The following CDIN1 variants were observed in gnomAD, a reference collection of about 807,000 sequenced individuals.
The protein encoded by CDIN1 is CDAN1 interacting nuclease 1.
In CDIN1, 33 loss-of-function variants were observed where a neutral mutation model predicts 45.3. The ratio of observed to expected loss-of-function variants is 0.73; its 90% CI spans 0.55 to 0.97. The LOEUF (loss-of-function observed/expected upper bound fraction) is 0.97, where lower values mean the gene tolerates loss of function less well. CDIN1 is among the 50% of genes least tolerant of loss of function. The pLI, the probability that CDIN1 is intolerant of heterozygous loss-of-function variation, is 0.00. For missense variants in CDIN1, 303 were observed against 339.4 expected (o/e 0.89, Z 0.84); for synonymous variants, 118 against 124.4 (o/e 0.95, Z 0.34).
chr15:36,761,085 G>A (rs751732439), intron 10 of CDIN1, among the ~76,000 whole-genome samples: 14 of 151,978 alleles, frequency 9.2e-5, no homozygotes, highest in Non-Finnish European at 1.6e-4. Flanking sequence ...CGCCTTCACC[G>A]GCACATCTAA....
chr15:36,737,941 A>G (rs532602158), intron 10 of CDIN1, among the ~76,000 whole-genome samples: 20 of 152,262 alleles, frequency 1.3e-4, no homozygotes, highest in Non-Finnish European at 2.5e-4. Flanking sequence ...CCTGTCCACA[A>G]CATTTGACAA....
chr15:36,717,990 T>C (rs960876914), intron 10 of CDIN1, among the ~76,000 whole-genome samples: 1 of 151,264 alleles, frequency 6.6e-6, no homozygotes, highest in East Asian at 2.0e-4. Flanking sequence ...AAAGTTTCTC[T>C]TGAAATCTTT....
At chr15:36,654,192 C>T (rs1368588937) in intron 4 of CDIN1, 34 bp downstream of exon 4, 8 of 1,514,076 alleles carry the variant, frequency 5.3e-6, no homozygotes, top group South Asian at 2.4e-5. Flanking sequence ...TTTAAACCTG[C>T]GTGTAACCTA....
intron 10 of CDIN1, among the ~76,000 whole-genome samples, chr15:36,801,525 A>G (rs2055046424): frequency 1.3e-5 from 2 of 152,112 alleles, no homozygotes; most frequent in African/African-American, 4.8e-5. Flanking sequence ...GGGAAAACAA[A>G]TCTCTACCTC....
rs11307856 is a variant in CDIN1, at chr15:36,798,025, C to CAAAAAAA, written c.717-10283_717-10277dup. On this transcript the variant is annotated intron_variant, in intron 10 of 10. Coordinates refer to ENST00000566621, the MANE Select transcript of CDIN1 (RefSeq NM_001321759.2). ...TCATTATATAGTAGAGAGTTATTAGCAAAAAAAAAAAAAAAAAAAAAATTA... is the reference window on the plus strand; with the variant it reads ...TCATTATATAGTAGAGAGTTATTAGCAAAAAAAAAAAAAAAAAAAAAAAAAAAAATTA... 2.0e-3 allele frequency among the ~76,000 whole-genome samples: 189 copies of CAAAAAAA among 93,540 alleles called. 1 individual carries two copies. Among genetic ancestry groups the CAAAAAAA allele is most frequent in the African/African-American group, 7.8e-3 (181 of 23,336 alleles). The allele number at this position is 93,540 out of a possible 152,430, so 61.4% of individuals were successfully genotyped here.
chr15:36,718,126 A>C (rs751186075), intron 10 of CDIN1, among the ~76,000 whole-genome samples: 2 of 151,602 alleles, frequency 1.3e-5, no homozygotes, highest in Non-Finnish European at 2.9e-5. Context: ...TTTTGAGAAG[A>C]CTCTTTTTTC....
chr15:36,725,966 G>T (rs1169756967), intron 10 of CDIN1, among the ~76,000 whole-genome samples: 2 of 152,140 alleles, frequency 1.3e-5, no homozygotes, highest in East Asian at 3.9e-4. Flanking sequence ...CATTTAGATT[G>T]CACTTTGCAA....
At chr15:36,642,400 C>T (rs757871796) in intron 1 of CDIN1, among the ~76,000 whole-genome samples, 13 of 152,148 alleles carry the variant, frequency 8.5e-5, no homozygotes, top group Non-Finnish European at 1.6e-4. Context: ...ACTATGTATA[C>T]GTAAGTGGTT....
intron 10 of CDIN1, among the ~76,000 whole-genome samples, chr15:36,805,436 A>G (rs1361105647): frequency 6.6e-6 from 1 of 152,076 alleles, no homozygotes; most frequent in African/African-American, 2.4e-5. Flanking sequence ...TTTGATTTTT[A>G]TTGGTCACAA....
Position 36,727,371 on chromosome 15 carries a change from C to T in CDIN1, c.716+17410C>T, listed in dbSNP as rs117349825. Among the ~76,000 whole-genome samples the T allele has an allele frequency of 3.9e-3, 588 of 150,372 alleles. 10 individuals carry two copies. Among genetic ancestry groups the T allele is most frequent in the East Asian group, 0.032 (165 of 5,094 alleles). ...AAAAAAAAAGAAAAAAGTAGACACACTTTTTCCCCCTCAGCATTTATCATC... is the reference window on the plus strand; with the variant it reads ...AAAAAAAAAGAAAAAAGTAGACACATTTTTTCCCCCTCAGCATTTATCATC... On this transcript the variant is annotated intron_variant, in intron 10 of 10. Coordinates refer to ENST00000566621, the MANE Select transcript of CDIN1 (RefSeq NM_001321759.2).
intron 1 of CDIN1, among the ~76,000 whole-genome samples, chr15:36,608,152 A>C (rs1003308206): frequency 6.6e-6 from 1 of 152,298 alleles, no homozygotes; most frequent in East Asian, 1.9e-4. Flanking sequence ...ATTAATGTAT[A>C]AATTTTTGTG....
At position 36,579,899 on chromosome 15, in the gene CDIN1, G is replaced by A. The variant is rs2036960891; in HGVS notation, c.39G>A (p.Gln13=). 3 of 1,613,992 alleles carry A rather than the reference G, an allele frequency of 1.9e-6. No individual in the cohort carries two copies. In the East Asian group the frequency reaches 6.7e-5, roughly 36 times the overall value. The change falls in exon 1 of 11, where the codon CAG becomes CAA. Residue 13 remains glutamine (Q), a synonymous_variant. Coordinates refer to ENST00000566621, the MANE Select transcript of CDIN1 (RefSeq NM_001321759.2). The part of the protein sequence containing the change: ...LTKAQYDEIA[Q]CLVSVPPTRQ... The stretch of plus-strand genomic sequence containing the variant: ...AAGCTCAGTACGACGAGATAGCCCA[G>A]TGCCTAGTGTCTGTGCCGCCTACCA...
intron 1 of CDIN1, among the ~76,000 whole-genome samples, chr15:36,596,188 CA>C (rs1218104873): frequency 3.6e-4 from 7 of 19,368 alleles, no homozygotes; most frequent in Non-Finnish European, 6.5e-4. Flanking sequence ...AAAAAAAGCT[CA>C]TTTTTTTTTT....
chr15:36,652,317 A>G (rs929145553), intron 3 of CDIN1, among the ~76,000 whole-genome samples: 1 of 152,196 alleles, frequency 6.6e-6, no homozygotes. Context: ...ATAGCGCTCC[A>G]AAATACTTGT....
intron 10 of CDIN1, among the ~76,000 whole-genome samples, chr15:36,769,439 A>G (rs1049742922): frequency 2.6e-5 from 4 of 152,120 alleles, no homozygotes; most frequent in African/African-American, 7.2e-5. Context: ...TTTCTGGGAA[A>G]CCTCAGATTT....
At chr15:36,739,146 A>G (rs1465635047) in intron 10 of CDIN1, among the ~76,000 whole-genome samples, 1 of 152,230 alleles carries the variant, frequency 6.6e-6, no homozygotes, top group Non-Finnish European at 1.5e-5. Flanking sequence ...TAATCCCAAC[A>G]CTTTGGGAGG....
rs377395503 is a variant in CDIN1 at position 36,810,059 on chromosome 15, A to T, written c.*1606A>T. 7.1e-6 allele frequency: 1 copy of T among 140,536 alleles called. No homozygotes were observed. The allele number at this position is 140,536 out of a possible 1,614,324, so 8.7% of individuals were successfully genotyped here. ...GATACACACACACACACACACACAC[A>T]CTTTATACAAAAATGTTAAAAGCAG... On this transcript the variant is annotated 3_prime_UTR_variant, in exon 11 of 11. Coordinates refer to ENST00000566621, the MANE Select transcript of CDIN1 (RefSeq NM_001321759.2).
chr15:36,680,925 G>A (rs183598578), intron 5 of CDIN1, among the ~76,000 whole-genome samples: 167 of 152,186 alleles, frequency 1.1e-3, no homozygotes, highest in African/African-American at 3.5e-3. Flanking sequence ...ATGAAACTAC[G>A]TTGTCATGGT....
intron 7 of CDIN1, among the ~76,000 whole-genome samples, chr15:36,692,774 A>G (rs566310115): frequency 5.9e-4 from 90 of 152,318 alleles, no homozygotes; most frequent in African/African-American, 2.0e-3. Context: ...GTCACTTTTC[A>G]TTAAAGACAT....
Sources: gnomAD v4.1 joint callset for allele counts (sites outside exome capture counted in the v4.1 genomes callset) on GRCh38, gnomAD v4.1.1 for gene constraint, MANE v1.5 for transcripts, NCBI Gene and HGNC (gene_info 2026-07-23, HGNC 2026-07-21) for gene names.